Variants in NCAM2 observed in about 807,000 individuals in gnomAD.
NCAM2 encodes neural cell adhesion molecule 2, also known as N-CAM-2.
Under a neutral mutation model 98.1 loss-of-function variants are expected in NCAM2, and 30 were observed. The ratio of observed to expected loss-of-function variants is 0.31; its 90% CI spans 0.23 to 0.41. NCAM2 has a LOEUF of 0.41. Among genes scored for constraint, NCAM2 ranks in the 10% least tolerant of loss-of-function variants. The pLI, the probability that NCAM2 is intolerant of heterozygous loss-of-function variation, is 1.00. For missense variants in NCAM2, 867 were observed against 1,005.8 expected, an observed-to-expected ratio of 0.86 and a Z score of 1.87; for synonymous variants, 368 against 342.4, an observed-to-expected ratio of 1.07 and a Z score of -0.83.
At chr21:21,485,546 A>G (rs1164168825) in intron 15 of NCAM2, among the ~76,000 whole-genome samples, 1 of 152,156 alleles carries the variant, frequency 6.6e-6, no homozygotes, top group Non-Finnish European at 1.5e-5. Context: ...ATGAAGAATG[A>G]TTTTTGGTCT....
At chr21:21,301,866 C>T (rs1336348181) in intron 5 of NCAM2, among the ~76,000 whole-genome samples, 1 of 148,306 alleles carries the variant, frequency 6.7e-6, no homozygotes, top group African/African-American at 2.5e-5. Flanking sequence ...AAAAAATGCT[C>T]ATCATCACTG....
At chr21:21,411,012 A>AT (rs1310343568) in intron 10 of NCAM2, among the ~76,000 whole-genome samples, 1 of 85,542 alleles carries the variant, frequency 1.2e-5, no homozygotes, top group African/African-American at 4.5e-5. Flanking sequence ...TCTTAAAAAA[A>AT]AAAATATATA....
intron 1 of NCAM2, among the ~76,000 whole-genome samples, chr21:21,178,765 A>AT (rs934125650): frequency 6.6e-6 from 1 of 151,818 alleles, no homozygotes; most frequent in African/African-American, 2.4e-5. Context: ...TCATAATTAC[A>AT]TTTTTAAAAT....
At chr21:21,038,034 G>C (rs939294543) in intron 1 of NCAM2, among the ~76,000 whole-genome samples, 1 of 152,060 alleles carries the variant, frequency 6.6e-6, no homozygotes, top group African/African-American at 2.4e-5. Context: ...ATGAAAAATG[G>C]GAAGAAAATA....
intron 15 of NCAM2, among the ~76,000 whole-genome samples, chr21:21,482,933 A>G (rs1569108618): frequency 6.6e-6 from 1 of 152,038 alleles, no homozygotes; most frequent in African/African-American, 2.4e-5. Context: ...TTGGGAAACT[A>G]TAGCAGATTA....
chr21:21,410,157 A>G, intron 9 of NCAM2, 117 bp from the exon 10 acceptor site: 1 of 626,588 alleles, frequency 1.6e-6, no homozygotes, highest in Non-Finnish European at 2.4e-6. Flanking sequence ...AAAATACACG[A>G]AATTAGAATT....
chr21:21,484,972 A>G (rs1388497796), intron 15 of NCAM2, among the ~76,000 whole-genome samples: 1 of 152,088 alleles, frequency 6.6e-6, no homozygotes, highest in African/African-American at 2.4e-5. Flanking sequence ...TAAAAATCAT[A>G]ATTTTATTAT....
chr21:21,511,268 C>G (rs529590165), intron 16 of NCAM2, among the ~76,000 whole-genome samples: 1 of 151,922 alleles, frequency 6.6e-6, no homozygotes, highest in African/African-American at 2.4e-5. Flanking sequence ...ACTTAATCCC[C>G]CATTCCCCCT....
chr21:21,223,468 A>G (rs939208023), intron 1 of NCAM2: 8 of 152,178 alleles, frequency 5.3e-5, no homozygotes, highest in African/African-American at 1.4e-4. Context: ...TTCAGGTTAT[A>G]TAAAGGAAAT....
chr21:21,164,714 A>T (rs1406026139), intron 1 of NCAM2, among the ~76,000 whole-genome samples: 3 of 152,228 alleles, frequency 2.0e-5, no homozygotes, highest in African/African-American at 7.2e-5. Flanking sequence ...CATGCTTGTT[A>T]TTTATTTTTT....
At chr21:21,215,667 GCA>G (rs1390956292) in intron 1 of NCAM2, among the ~76,000 whole-genome samples, 1 of 152,156 alleles carries the variant, frequency 6.6e-6, no homozygotes, top group Non-Finnish European at 1.5e-5. Context: ...GGCAAAGATT[GCA>G]GTGAGCCAAG....
intron 8 of NCAM2, among the ~76,000 whole-genome samples, chr21:21,368,158 A>G (rs1206619390): frequency 6.6e-6 from 1 of 151,958 alleles, no homozygotes; most frequent in Non-Finnish European, 1.5e-5. Flanking sequence ...ATGGGTACTT[A>G]TTTTAAAATA....
At chr21:21,120,339 T>C (rs2066645552) in intron 1 of NCAM2, among the ~76,000 whole-genome samples, 1 of 152,068 alleles carries the variant, frequency 6.6e-6, no homozygotes, top group Non-Finnish European at 1.5e-5. Context: ...GCAGTTGTTA[T>C]ATCATGACTT....
chr21:21,508,933 C>T lies in NCAM2; in HGVS notation c.2160C>T (p.Asp720=), dbSNP rs1341296483. Residue 720 remains aspartate (D), a synonymous_variant, in exon 16 of 18, where the codon GAC becomes GAT. Coordinates refer to ENST00000400546, the MANE Select transcript of NCAM2 (RefSeq NM_004540.5). ...AALLLILVVT[D]VSCFFIRQCG... ...TGCTGCTAATTCTTGTGGTAACAGACGTCAGCTGCTTCTTTATTCGGCAAT... is the reference window on the plus strand; with the variant it reads ...TGCTGCTAATTCTTGTGGTAACAGATGTCAGCTGCTTCTTTATTCGGCAAT... 2 of 1,605,200 alleles carry T rather than the reference C, an allele frequency of 1.2e-6. No homozygotes were observed. The highest frequency in any genetic ancestry group is 1.7e-6 in the Non-Finnish European group (2 of 1,177,076).
intron 1 of NCAM2, 127 bp downstream of exon 1, chr21:20,998,745 A>G (rs563944410): frequency 5.4e-6 from 5 of 934,260 alleles, no homozygotes; most frequent in Admixed American, 2.4e-5. Flanking sequence ...TGTTGTTGTT[A>G]TTATTATTTT....
chr21:21,260,499 G>A (rs899269867), intron 1 of NCAM2, among the ~76,000 whole-genome samples: 5 of 151,692 alleles, frequency 3.3e-5, no homozygotes, highest in Non-Finnish European at 5.9e-5. Context: ...GAGTAACAGC[G>A]GACTTTTCAG....
chr21:21,131,600 C>A (rs973528919), intron 1 of NCAM2, among the ~76,000 whole-genome samples: 2 of 152,096 alleles, frequency 1.3e-5, no homozygotes, highest in Non-Finnish European at 2.9e-5. Context: ...TACAAATTAG[C>A]CTTCATACTT....
At chr21:21,246,365 A>T (rs1969938734) in intron 1 of NCAM2, among the ~76,000 whole-genome samples, 1 of 152,174 alleles carries the variant, frequency 6.6e-6, no homozygotes, top group African/African-American at 2.4e-5. Context: ...GTTTTAGGTG[A>T]TTATTTTTGG....
chr21:21,287,631 A>G (rs915894601), intron 4 of NCAM2, among the ~76,000 whole-genome samples: 3 of 151,972 alleles, frequency 2.0e-5, no homozygotes, highest in Non-Finnish European at 4.4e-5. Context: ...GGTTTATTGT[A>G]AAACTTTATT....
Sources: allele counts gnomAD v4.1 joint callset (sites outside exome capture counted in the v4.1 genomes callset), GRCh38; gene constraint gnomAD v4.1.1; transcripts MANE v1.5; gene names NCBI Gene and HGNC (gene_info 2026-07-23, HGNC 2026-07-21).